SORCS3: variants seen among roughly 807,000 people sequenced by gnomAD.
SORCS3 encodes sortilin related VPS10 domain containing receptor 3.
Under a neutral mutation model 146.3 loss-of-function variants are expected in SORCS3, and 57 were observed. The observed-to-expected ratio is 0.39, with a 90% CI of 0.31 to 0.49. The LOEUF (loss-of-function observed/expected upper bound fraction) is 0.49, where lower values mean the gene tolerates loss of function less well. SORCS3 is among the 20% of genes least tolerant of loss of function. SORCS3 has a pLI of 0.92. For missense variants in SORCS3, 1,341 were observed against 1,575.5 expected, an observed-to-expected ratio of 0.85 and a Z score of 2.52; for synonymous variants, 653 against 618.5, an observed-to-expected ratio of 1.06 and a Z score of -0.83.
At chr10:105,032,132 C>T (rs1320618104) in intron 4 of SORCS3, among the ~76,000 whole-genome samples, 2 of 152,188 alleles carry the variant, frequency 1.3e-5, no homozygotes, top group Admixed American at 1.3e-4. Flanking sequence ...ACAGAGGTTG[C>T]AGTGAGCCAC....
intron 2 of SORCS3, among the ~76,000 whole-genome samples, chr10:104,873,714 C>A (rs997862561): frequency 6.6e-6 from 1 of 152,082 alleles, no homozygotes; most frequent in Non-Finnish European, 1.5e-5. Context: ...TGCAACTAGC[C>A]CTTGGCCTCA....
At chr10:104,961,488 T>C (rs1422746269) in intron 3 of SORCS3, among the ~76,000 whole-genome samples, 1 of 152,182 alleles carries the variant, frequency 6.6e-6, no homozygotes, top group Non-Finnish European at 1.5e-5. Context: ...CTGCATTTTT[T>C]TGAATTATGA....
At chr10:104,983,255 C>T (rs536572711) in intron 4 of SORCS3, among the ~76,000 whole-genome samples, 1 of 151,780 alleles carries the variant, frequency 6.6e-6, no homozygotes, top group African/African-American at 2.4e-5. Flanking sequence ...CCCTCCTCGG[C>T]CTCCCAAAAT....
chr10:104,682,391 G>C (rs1413176198), intron 1 of SORCS3, among the ~76,000 whole-genome samples: 1 of 152,198 alleles, frequency 6.6e-6, no homozygotes, highest in Non-Finnish European at 1.5e-5. Flanking sequence ...AGCCTCTCTG[G>C]CTTTGGCTCC....
chr10:105,122,577 A>G (rs1394191963), intron 7 of SORCS3, among the ~76,000 whole-genome samples: 1 of 152,114 alleles, frequency 6.6e-6, no homozygotes, highest in Non-Finnish European at 1.5e-5. Context: ...TATGCTCCTG[A>G]TACTGTTCTA....
chr10:104,772,579 G>A (rs975357288), intron 1 of SORCS3, among the ~76,000 whole-genome samples: 1 of 152,086 alleles, frequency 6.6e-6, no homozygotes, highest in African/African-American at 2.4e-5. Context: ...TTCACTTATT[G>A]TCTCACATGA....
At chr10:105,049,919 C>T (rs928162864) in intron 5 of SORCS3, among the ~76,000 whole-genome samples, 3 of 151,914 alleles carry the variant, frequency 2.0e-5, no homozygotes, top group African/African-American at 7.3e-5. Context: ...ACACAATATA[C>T]CTTTGTAGGA....
At chr10:104,862,506 A>AT (rs1023246631) in intron 2 of SORCS3, among the ~76,000 whole-genome samples, 114 of 149,990 alleles carry the variant, frequency 7.6e-4, no homozygotes, top group African/African-American at 2.1e-3. Flanking sequence ...TTTATTCCTG[A>AT]TTTTTTTTTT....
intron 2 of SORCS3, among the ~76,000 whole-genome samples, chr10:104,875,959 A>G (rs762204302): frequency 7.2e-5 from 11 of 152,208 alleles, no homozygotes; most frequent in Non-Finnish European, 1.3e-4. Flanking sequence ...TAATACAGCC[A>G]AACATAAACC....
chr10:105,192,842 A>G (rs574978611), intron 14 of SORCS3, among the ~76,000 whole-genome samples: 5 of 152,294 alleles, frequency 3.3e-5, no homozygotes, highest in African/African-American at 1.2e-4. Flanking sequence ...AAAAGTTGGC[A>G]TAATTGGGAG....
intron 1 of SORCS3, among the ~76,000 whole-genome samples, chr10:104,714,725 T>G (rs2016457111): frequency 6.6e-6 from 1 of 152,206 alleles, no homozygotes; most frequent in Non-Finnish European, 1.5e-5. Context: ...ACACATATTC[T>G]GCTGTTATTA....
intron 1 of SORCS3, among the ~76,000 whole-genome samples, chr10:104,803,972 C>T (rs1483971088): frequency 6.6e-6 from 1 of 152,198 alleles, no homozygotes; most frequent in Non-Finnish European, 1.5e-5. Flanking sequence ...TTTTACCACA[C>T]AAGACTGAGA....
chr10:105,178,034 C>A, intron 13 of SORCS3, 32 bp from the exon 14 acceptor site: 1 of 1,512,426 alleles, frequency 6.6e-7, no homozygotes, highest in Non-Finnish European at 9.2e-7. Context: ...TTATTTTCAG[C>A]TGTCTTTTTT....
At chr10:104,830,350 G>C (rs1179033364) in intron 1 of SORCS3, among the ~76,000 whole-genome samples, 1 of 152,216 alleles carries the variant, frequency 6.6e-6, no homozygotes, top group African/African-American at 2.4e-5. Context: ...GCTGCTCAAA[G>C]ATCGGTCACT....
intron 1 of SORCS3, among the ~76,000 whole-genome samples, chr10:104,655,888 C>T (rs1319422706): frequency 1.3e-5 from 2 of 152,310 alleles, no homozygotes; most frequent in East Asian, 3.9e-4. Flanking sequence ...GAATGTGTTT[C>T]CTGTACAGCC....
At chr10:104,845,111 C>G (rs1437948329) in intron 2 of SORCS3, among the ~76,000 whole-genome samples, 1 of 152,206 alleles carries the variant, frequency 6.6e-6, no homozygotes, top group Non-Finnish European at 1.5e-5. Flanking sequence ...TCCCAGGTGA[C>G]AGGGCAGACA....
chr10:104,855,716 A>AGTGTGTGTGT lies in SORCS3; in HGVS notation c.695+12862_695+12871dup, dbSNP rs58569291. On this transcript the variant is annotated intron_variant, in intron 2 of 26. Coordinates refer to ENST00000369701, the MANE Select transcript of SORCS3 (RefSeq NM_014978.3). ...TCAACTTATTTGGTATTTGCTTTTG[A>AGTGTGTGTGT]GTGTGTGTGTGTGTATGTGTGTGTG... Among the ~76,000 whole-genome samples the AGTGTGTGTGT allele has an allele frequency of 2.4e-4, 36 of 150,866 alleles. 1 individual carries two copies. Among genetic ancestry groups the AGTGTGTGTGT allele is most frequent in the Middle Eastern group, 3.4e-3 (1 of 294 alleles).
intron 11 of SORCS3, among the ~76,000 whole-genome samples, chr10:105,162,798 G>A (rs1289918687): frequency 1.3e-5 from 2 of 152,152 alleles, no homozygotes; most frequent in Admixed American, 6.5e-5. Flanking sequence ...AGCCATGCCA[G>A]GGATGGAAGA....
chr10:105,183,845 G>A (rs955821600), intron 14 of SORCS3, among the ~76,000 whole-genome samples: 7 of 152,122 alleles, frequency 4.6e-5, no homozygotes, highest in Admixed American at 2.6e-4. Context: ...AGCTTATTTT[G>A]ATCAATGGAT....
Sources: allele counts gnomAD v4.1 joint callset (sites outside exome capture counted in the v4.1 genomes callset), GRCh38; gene constraint gnomAD v4.1.1; transcripts MANE v1.5; gene names NCBI Gene and HGNC (gene_info 2026-07-23, HGNC 2026-07-21).